RNF152: variants seen among roughly 807,000 people sequenced by gnomAD.
The protein encoded by RNF152 is E3 ubiquitin-protein ligase RNF152.
RNF152 carries 11 observed loss-of-function variants against 12.7 expected under a neutral mutation model. The ratio of observed to expected loss-of-function variants is 0.86; its 90% confidence interval spans 0.54 to 1.43. The LOEUF is 1.43. Ranked by LOEUF, RNF152 falls within the 40% of genes most tolerant of loss-of-function variation. The pLI, the probability that RNF152 is intolerant of heterozygous loss-of-function variation, is 0.00. For synonymous variants in RNF152, 113 were observed against 120.3 expected (o/e 0.94, Z 0.40); for missense variants, 255 against 274.8 (o/e 0.93, Z 0.51).
chr18:61,837,426 T>C (rs4424997), intron 1 of RNF152, among the ~76,000 whole-genome samples: 7,328 of 152,314 alleles, frequency 0.048, 232 homozygotes, highest in Non-Finnish European at 0.068. Context: ...TGTAAGAGAA[T>C]GTCCTTATTA....
At chr18:61,851,364 A>G (rs1381239714) in intron 1 of RNF152, among the ~76,000 whole-genome samples, 1 of 152,206 alleles carries the variant, frequency 6.6e-6, no homozygotes, top group Non-Finnish European at 1.5e-5. Flanking sequence ...GTGTCCAATA[A>G]GTGCTTATTG....
intron 1 of RNF152, among the ~76,000 whole-genome samples, chr18:61,823,836 C>A (rs1433219878): frequency 6.6e-6 from 1 of 152,188 alleles, no homozygotes; most frequent in Non-Finnish European, 1.5e-5. Context: ...ACTGTGGGCC[C>A]AATTGGCCTG....
intron 1 of RNF152, among the ~76,000 whole-genome samples, chr18:61,881,099 A>G (rs1413880541): frequency 3.3e-5 from 5 of 152,000 alleles, no homozygotes; most frequent in African/African-American, 1.2e-4. Flanking sequence ...TTTTTAGTAG[A>G]GATAGGGTTT....
chr18:61,843,865 G>A (rs1197609176), intron 1 of RNF152, among the ~76,000 whole-genome samples: 2 of 151,932 alleles, frequency 1.3e-5, no homozygotes, highest in African/African-American at 2.4e-5. Flanking sequence ...AAAGAGTTAC[G>A]AAGATGGATG....
intron 1 of RNF152, among the ~76,000 whole-genome samples, chr18:61,835,446 T>C (rs575563193): frequency 2.0e-5 from 3 of 152,236 alleles, no homozygotes; most frequent in African/African-American, 7.2e-5. Flanking sequence ...TTGTTTATTT[T>C]TACAAAAATA....
intron 1 of RNF152, among the ~76,000 whole-genome samples, chr18:61,887,071 C>T (rs898901190): frequency 6.6e-6 from 1 of 152,190 alleles, no homozygotes; most frequent in Non-Finnish European, 1.5e-5. Flanking sequence ...ACATTTTGGG[C>T]AACAGTGGAT....
chr18:61,851,512 C>T (rs957146596), intron 1 of RNF152, among the ~76,000 whole-genome samples: 1 of 152,182 alleles, frequency 6.6e-6, no homozygotes, highest in Non-Finnish European at 1.5e-5. Context: ...ATCCTTACAA[C>T]AGCCCTATGG....
At chr18:61,824,056 G>A (rs1041548908) in intron 1 of RNF152, among the ~76,000 whole-genome samples, 54 of 152,164 alleles carry the variant, frequency 3.5e-4, no homozygotes, top group African/African-American at 1.3e-3. Flanking sequence ...CCCCTCCATG[G>A]TTTGATGATG....
At chr18:61,857,228 T>A (rs1473795201) in intron 1 of RNF152, among the ~76,000 whole-genome samples, 1 of 152,218 alleles carries the variant, frequency 6.6e-6, no homozygotes, top group Non-Finnish European at 1.5e-5. Flanking sequence ...GACACTTTTC[T>A]ATTTTGCAGA....
intron 1 of RNF152, among the ~76,000 whole-genome samples, chr18:61,853,715 T>C (rs143236476): frequency 6.6e-6 from 1 of 152,310 alleles, no homozygotes; most frequent in Non-Finnish European, 1.5e-5. Flanking sequence ...CTACCTCTTT[T>C]TCATAAAAAC....
intron 1 of RNF152, among the ~76,000 whole-genome samples, chr18:61,873,369 G>A (rs1275542056): frequency 1.3e-5 from 2 of 152,036 alleles, no homozygotes; most frequent in Non-Finnish European, 2.9e-5. Context: ...ACAGAGTTTC[G>A]CTCTGTTGCC....
Position 61,884,514 on chromosome 18 carries a change from AT to A in RNF152, c.-136+8280del, listed in dbSNP as rs1568296403. Among the ~76,000 whole-genome samples the A allele has an allele frequency of 2.0e-5, 3 of 151,530 alleles. No homozygotes were observed. The East Asian group carries it at 5.8e-4, about 29-fold the overall frequency. On this transcript the variant is annotated intron_variant, in intron 1 of 1. Transcript: ENST00000312828. Reference sequence around the variant, plus strand: ...ACCTACAGGAAGCTAGAAGGCAGGGATTTTTTTAGAATTATGCCTGGTAAAA... The same window carrying A: ...ACCTACAGGAAGCTAGAAGGCAGGGATTTTTTAGAATTATGCCTGGTAAAA...
chr18:61,842,078 A>G (rs985028572), intron 1 of RNF152, among the ~76,000 whole-genome samples: 4 of 152,246 alleles, frequency 2.6e-5, no homozygotes. Context: ...ATAGCAAATC[A>G]CAAAACTAAA....
chr18:61,879,837 C>T lies in RNF152; in HGVS notation c.-136+12958G>A, dbSNP rs538585247. Among the ~76,000 whole-genome samples, 469 of 151,954 alleles carry T rather than the reference C, an allele frequency of 3.1e-3. 1 individual carries two copies. The highest frequency in any genetic ancestry group is 0.017 in the Middle Eastern group (5 of 294). On this transcript the variant is annotated intron_variant, in intron 1 of 1. Coordinates refer to ENST00000312828, the MANE Select transcript of RNF152 (RefSeq NM_173557.3). ...AAAATTAGCCAGGTGTGGTGGCGCA[C>T]GCCTGTAACCCCAGCTACTCAGGAG...
intron 1 of RNF152, among the ~76,000 whole-genome samples, chr18:61,845,717 C>T (rs934138347): frequency 3.3e-5 from 5 of 152,148 alleles, no homozygotes; most frequent in South Asian, 2.1e-4. Context: ...ACTGACCTCC[C>T]GTAGCAGAGG....
At chr18:61,879,571 A>T (rs1437213990) in intron 1 of RNF152, among the ~76,000 whole-genome samples, 1 of 152,156 alleles carries the variant, frequency 6.6e-6, no homozygotes, top group Non-Finnish European at 1.5e-5. Context: ...GGGGAAAGGG[A>T]ACTACACAAA....
At chr18:61,837,305 G>T (rs1033118541) in intron 1 of RNF152, among the ~76,000 whole-genome samples, 1 of 152,156 alleles carries the variant, frequency 6.6e-6, no homozygotes, top group Non-Finnish European at 1.5e-5. Context: ...TGAGATCCAG[G>T]ATTGAGTGGG....
At chr18:61,830,221 C>T (rs1442368196) in intron 1 of RNF152, among the ~76,000 whole-genome samples, 1 of 151,858 alleles carries the variant, frequency 6.6e-6, no homozygotes, top group East Asian at 1.9e-4. Flanking sequence ...ATGGGGGTGT[C>T]TTGGTATTTG....
intron 1 of RNF152, among the ~76,000 whole-genome samples, chr18:61,830,067 G>A (rs1483161031): frequency 6.7e-6 from 1 of 150,142 alleles, no homozygotes; most frequent in East Asian, 1.9e-4. Context: ...TGTCGCCCAG[G>A]CTGGAGTGCA....
Sources: gnomAD v4.1 joint callset for allele counts (sites outside exome capture counted in the v4.1 genomes callset) on GRCh38, gnomAD v4.1.1 for gene constraint, MANE v1.5 for transcripts, NCBI Gene and HGNC (gene_info 2026-07-23, HGNC 2026-07-21) for gene names.